SHROOM3: variants seen among roughly 807,000 people sequenced by gnomAD.
SHROOM3 encodes the protein protein Shroom3.
A neutral mutation model predicts 138.6 loss-of-function variants in SHROOM3; 47 were observed. The ratio of observed to expected loss-of-function variants is 0.34; its 90% CI spans 0.27 to 0.43. The LOEUF (loss-of-function observed/expected upper bound fraction) is 0.43, where lower values mean the gene tolerates loss of function less well. SHROOM3 is among the 20% of genes least tolerant of loss of function. The probability of loss-of-function intolerance (pLI) is 1.00; values close to 1 mark genes in which losing one functional copy is unlikely to be tolerated. For synonymous variants in SHROOM3, 1,062 were observed against 1,063.3 expected (o/e 1.00, Z 0.02); for missense variants, 2,491 against 2,596.5 (o/e 0.96, Z 0.88).
chr4:76,595,156 G>A (rs1272604647), intron 2 of SHROOM3, among the ~76,000 whole-genome samples: 2 of 152,180 alleles, frequency 1.3e-5, no homozygotes, highest in South Asian at 2.1e-4. Context: ...TAGTTTCAGT[G>A]AGATAATACA....
intron 2 of SHROOM3, among the ~76,000 whole-genome samples, chr4:76,620,070 C>CAAAAAAAAAAAAAAAAAAAAAAA (rs68039696): frequency 6.5e-5 from 4 of 61,076 alleles, no homozygotes; most frequent in Non-Finnish European, 1.3e-4. Flanking sequence ...GAATCTATCT[C>CAAAAAAAAAAAAAAAAAAAAAAA]AAAAAAAAAA....
At chr4:76,738,375 GC>G (rs1424062929) in intron 4 of SHROOM3, among the ~76,000 whole-genome samples, 1 of 152,122 alleles carries the variant, frequency 6.6e-6, no homozygotes, top group Non-Finnish European at 1.5e-5. Context: ...CCCACAAACA[GC>G]CCCAGTAGAC....
At chr4:76,727,132 T>G (rs1720730267) in intron 3 of SHROOM3, among the ~76,000 whole-genome samples, 1 of 152,192 alleles carries the variant, frequency 6.6e-6, no homozygotes, top group African/African-American at 2.4e-5. Flanking sequence ...AGATGACAGT[T>G]TGTTCTTTCT....
At chr4:76,489,497 C>A (rs1731805301) in intron 1 of SHROOM3, among the ~76,000 whole-genome samples, 1 of 152,152 alleles carries the variant, frequency 6.6e-6, no homozygotes, top group African/African-American at 2.4e-5. Flanking sequence ...ACCACCACTT[C>A]TTTTTTCTTT....
At chr4:76,545,926 C>G (rs1302254386) in intron 1 of SHROOM3, among the ~76,000 whole-genome samples, 2 of 152,186 alleles carry the variant, frequency 1.3e-5, no homozygotes, top group African/African-American at 4.8e-5. Flanking sequence ...CACTGTCTCA[C>G]CTCTTTTCTT....
intron 9 of SHROOM3, among the ~76,000 whole-genome samples, chr4:76,765,076 A>G (rs1722105108): frequency 6.7e-6 from 1 of 149,998 alleles, no homozygotes; most frequent in Admixed American, 6.6e-5. Context: ...TCTGTTTTCA[A>G]GTTCACTGAC....
At chr4:76,761,952 G>A (rs1023415038) in intron 9 of SHROOM3, among the ~76,000 whole-genome samples, 10 of 152,132 alleles carry the variant, frequency 6.6e-5, no homozygotes, top group East Asian at 1.9e-4. Flanking sequence ...GGAGTTTACC[G>A]TTTAACTGAA....
At chr4:76,612,329 T>A (rs1248119628) in intron 2 of SHROOM3, among the ~76,000 whole-genome samples, 1 of 152,158 alleles carries the variant, frequency 6.6e-6, no homozygotes, top group Non-Finnish European at 1.5e-5. Context: ...AAAAAAGATA[T>A]AAGTGGAAGC....
chr4:76,455,351 C>T (rs1025724489), intron 1 of SHROOM3, among the ~76,000 whole-genome samples: 20 of 151,714 alleles, frequency 1.3e-4, no homozygotes, highest in African/African-American at 3.4e-4. Flanking sequence ...TAAATATTTA[C>T]GTATTTATAC....
At chr4:76,490,764 T>A (rs1731832883) in intron 1 of SHROOM3, among the ~76,000 whole-genome samples, 3 of 152,210 alleles carry the variant, frequency 2.0e-5, no homozygotes, top group Admixed American at 2.0e-4. Context: ...ATATGTAGAA[T>A]GCCTATATAT....
intron 1 of SHROOM3, among the ~76,000 whole-genome samples, chr4:76,452,069 T>C (rs1382165071): frequency 6.6e-6 from 1 of 152,160 alleles, no homozygotes; most frequent in African/African-American, 2.4e-5. Context: ...TCAGGAAAGA[T>C]AAAAGCTGGA....
At chr4:76,755,802 G>C (rs1376129137) in intron 7 of SHROOM3, among the ~76,000 whole-genome samples, 4 of 152,282 alleles carry the variant, frequency 2.6e-5, no homozygotes, top group African/African-American at 9.6e-5. Context: ...TAGGGCTCAA[G>C]GTCAGTAATG....
intron 2 of SHROOM3, among the ~76,000 whole-genome samples, chr4:76,590,731 T>G (rs1734255564): frequency 6.6e-6 from 1 of 152,088 alleles, no homozygotes; most frequent in South Asian, 2.1e-4. Flanking sequence ...GAAGTCTTTC[T>G]TTGGAAAAGA....
chr4:76,501,842 A>C (rs1732102538), intron 1 of SHROOM3, among the ~76,000 whole-genome samples: 1 of 152,090 alleles, frequency 6.6e-6, no homozygotes, highest in Non-Finnish European at 1.5e-5. Context: ...ACCCTTTCAG[A>C]CCTCGCCCTA....
chr4:76,599,215 C>T (rs928712469), intron 2 of SHROOM3, among the ~76,000 whole-genome samples: 1 of 152,034 alleles, frequency 6.6e-6, no homozygotes, highest in Middle Eastern at 3.2e-3. Flanking sequence ...ACAATAAAAG[C>T]GTTCTTTATA....
intron 1 of SHROOM3, among the ~76,000 whole-genome samples, chr4:76,462,861 C>T (rs1214224507): frequency 1.3e-5 from 2 of 152,126 alleles, no homozygotes; most frequent in East Asian, 1.9e-4. Flanking sequence ...CCATGCTTCC[C>T]ATGTAGCCTG....
At chr4:76,688,501 T>C (rs776828299) in intron 2 of SHROOM3, 1 of 985,370 alleles carries the variant, frequency 1.0e-6, no homozygotes, top group Non-Finnish European at 1.2e-6. Flanking sequence ...GGATTCTGCT[T>C]GAATGAGAAT....
chr4:76,585,008 A>G (rs565160369), intron 2 of SHROOM3, among the ~76,000 whole-genome samples: 2 of 152,332 alleles, frequency 1.3e-5, no homozygotes, highest in East Asian at 3.9e-4. Context: ...AGATATAAAT[A>G]ACTCTGGAAT....
intron 2 of SHROOM3, among the ~76,000 whole-genome samples, chr4:76,585,983 G>C (rs560598275): frequency 6.6e-6 from 1 of 152,318 alleles, no homozygotes; most frequent in East Asian, 1.9e-4. Context: ...TCGTGTTTAT[G>C]AGTCAGAGGA....
Sources: gnomAD v4.1 joint callset for allele counts (sites outside exome capture counted in the v4.1 genomes callset) on GRCh38, gnomAD v4.1.1 for gene constraint, MANE v1.5 for transcripts, NCBI Gene and HGNC (gene_info 2026-07-23, HGNC 2026-07-21) for gene names.